The following SULF1 variants were observed in gnomAD, a reference collection of about 807,000 sequenced individuals.
SULF1 encodes sulfatase 1.
In SULF1, 46 loss-of-function variants were observed where a neutral mutation model predicts 110.5. The observed-to-expected ratio is 0.42, with a 90% confidence interval of 0.33 to 0.53. The LOEUF (loss-of-function observed/expected upper bound fraction) is 0.53, where lower values mean the gene tolerates loss of function less well. SULF1 is among the 20% of genes least tolerant of loss of function. The probability of loss-of-function intolerance (pLI) is 0.12; values close to 1 mark genes in which losing one functional copy is unlikely to be tolerated. For synonymous variants in SULF1, 371 were observed against 387.1 expected (o/e 0.96, Z 0.49); for missense variants, 941 against 1,094.2 (o/e 0.86, Z 1.98).
In SULF1 at chr8:69,640,852, T is replaced by C. The variant is rs72658296; in HGVS notation, c.2585+11T>C. On this transcript the variant is annotated intron_variant, in intron 22 of 22. Coordinates refer to ENST00000402687, the MANE Select transcript of SULF1 (RefSeq NM_001128205.2). The stretch of plus-strand genomic sequence containing the variant: ...CTATGACCTACACAGGTATTCACAC[T>C]TTTTTATTCTTCTCAACAGCTTCTT... The C allele has an allele frequency of 0.019, 31,243 of 1,606,736 alleles. 418 individuals carry two copies. Among genetic ancestry groups the C allele is most frequent in the Non-Finnish European group, 0.024 (28,198 of 1,176,694 alleles).
At chr8:69,498,913 C>T (rs1810585456) in intron 2 of SULF1, among the ~76,000 whole-genome samples, 1 of 152,142 alleles carries the variant, frequency 6.6e-6, no homozygotes, top group Admixed American at 6.5e-5. Context: ...GGTTGGAGTG[C>T]AGTGGCACAA....
Position 69,621,070 on chromosome 8 carries a change from T to C in SULF1, c.1413T>C (p.Leu471=). The change falls in exon 14 of 23, where the codon CTT becomes CTC. Residue 471 remains leucine, a synonymous_variant. Coordinates refer to ENST00000402687, the MANE Select transcript of SULF1 (RefSeq NM_001128205.2). ...WQCIEDTSGK[L]RIHKCKGPSD... is the part of the protein sequence containing the mutation. ...GCATTGAGGATACATCTGGCAAGCT[T>C]CGAATTCACAAGTGTAAAGGACCCA... 1.2e-6 allele frequency: 2 copies of C among 1,612,668 alleles called. No homozygotes were observed. Among genetic ancestry groups the C allele is most frequent in the Non-Finnish European group, 1.7e-6 (2 of 1,178,840 alleles).
intron 3 of SULF1, among the ~76,000 whole-genome samples, chr8:69,532,330 T>C (rs964543657): frequency 6.6e-6 from 1 of 152,186 alleles, no homozygotes; most frequent in African/African-American, 2.4e-5. Flanking sequence ...TTAAACTTCA[T>C]TGAACCTCGA....
At position 69,560,007 on chromosome 8, in the gene SULF1, A is replaced by G. The variant is rs148107380; in HGVS notation, c.-133-3532A>G. 3.3e-3 allele frequency among the ~76,000 whole-genome samples: 498 copies of G among 152,324 alleles called. 1 individual carries two copies. The highest frequency in any genetic ancestry group is 0.011 in the African/African-American group (466 of 41,574). On this transcript the variant is annotated intron_variant, in intron 3 of 22. Coordinates refer to ENST00000402687, the MANE Select transcript of SULF1 (RefSeq NM_001128205.2). ...CTTTTATGCCATCTGTAGAAATGTC[A>G]GCGCAGTGAAGAAAGCAAATAATGT...
intron 3 of SULF1, among the ~76,000 whole-genome samples, chr8:69,540,439 G>A (rs1490715336): frequency 6.6e-6 from 1 of 152,182 alleles, no homozygotes; most frequent in African/African-American, 2.4e-5. Flanking sequence ...TTTTATGGAC[G>A]AGAAATTATG....
At chr8:69,528,826 G>C (rs555468762) in intron 3 of SULF1, among the ~76,000 whole-genome samples, 1 of 152,154 alleles carries the variant, frequency 6.6e-6, no homozygotes, top group East Asian at 1.9e-4. Flanking sequence ...GTTGTTTCAG[G>C]TAGTAGTTCC....
chr8:69,570,567 GA>G (rs1175140040), intron 5 of SULF1, among the ~76,000 whole-genome samples: 19 of 152,146 alleles, frequency 1.2e-4, no homozygotes, highest in African/African-American at 3.9e-4. Context: ...CATTCTGTAT[GA>G]AATGATTTTG....
At chr8:69,643,366 G>A (rs778355859) in intron 22 of SULF1, among the ~76,000 whole-genome samples, 2 of 151,940 alleles carry the variant, frequency 1.3e-5, no homozygotes, top group Non-Finnish European at 2.9e-5. Context: ...AGCCACTTAG[G>A]AGGTTTCAGT....
intron 13 of SULF1, among the ~76,000 whole-genome samples, chr8:69,613,103 G>C (rs888946990): frequency 9.2e-5 from 14 of 152,056 alleles, no homozygotes; most frequent in Admixed American, 9.2e-4. Context: ...ACCATTTATT[G>C]AATAGGGTGT....
At chr8:69,640,186 G>GAGA (rs879422089) in intron 21 of SULF1, among the ~76,000 whole-genome samples, 1 of 149,034 alleles carries the variant, frequency 6.7e-6, no homozygotes, top group African/African-American at 2.5e-5. Flanking sequence ...AAAGAGAAAA[G>GAGA]AAAGAAAGAG....
In SULF1 at chr8:69,576,022, C is replaced by CTTTGTG; in HGVS notation, c.225_226insTTTGTG (p.Ala75_Thr76insPheVal). On this transcript the variant is annotated inframe_insertion, in exon 6 of 23. Coordinates refer to ENST00000402687, the MANE Select transcript of SULF1 (RefSeq NM_001128205.2). The stretch of plus-strand genomic sequence containing the variant: ...GAAAGATTATGGAACATGGGGGGGC[C>CTTTGTG]ACCTTCATCAATGCCTTTGTGACTA... 1 of 1,614,116 alleles carries CTTTGTG rather than the reference C, an allele frequency of 6.2e-7. No homozygotes were observed. Among genetic ancestry groups the CTTTGTG allele is most frequent in the Non-Finnish European group, 8.5e-7 (1 of 1,179,992 alleles).
intron 8 of SULF1, among the ~76,000 whole-genome samples, chr8:69,594,867 G>A (rs1013927188): frequency 2.0e-5 from 3 of 152,140 alleles, no homozygotes; most frequent in African/African-American, 7.2e-5. Context: ...ACTCCAGGGG[G>A]CATTCAGATA....
In SULF1 at chr8:69,622,580, G is replaced by A. The variant is rs571718776; in HGVS notation, c.1594+1329G>A. ...AGCCTGGATGACAGAGCAAGACTCC[G>A]TCTCAAAAAAAAAAAAAATTAATAA... On this transcript the variant is annotated intron_variant, in intron 14 of 22. Coordinates refer to ENST00000402687, the MANE Select transcript of SULF1 (RefSeq NM_001128205.2). Among the ~76,000 whole-genome samples the A allele has an allele frequency of 2.7e-3, 411 of 149,744 alleles. 3 individuals are homozygous for A. The highest frequency in any genetic ancestry group is 9.6e-3 in the African/African-American group (386 of 40,224).
chr8:69,631,241 A>T (rs901994998), intron 19 of SULF1, among the ~76,000 whole-genome samples: 1 of 152,182 alleles, frequency 6.6e-6, no homozygotes, highest in African/African-American at 2.4e-5. Context: ...ACACAGGGTT[A>T]TAGTTGCTTA....
intron 2 of SULF1, among the ~76,000 whole-genome samples, chr8:69,499,607 G>T (rs1196239530): frequency 6.6e-6 from 1 of 152,090 alleles, no homozygotes; most frequent in Non-Finnish European, 1.5e-5. Flanking sequence ...TCTCTATTCT[G>T]GGAAACAAAC....
At chr8:69,640,666 T>C (rs1180925850) in intron 21 of SULF1, 142 bp from the exon 22 acceptor site, 1 of 503,566 alleles carries the variant, frequency 2.0e-6, no homozygotes, top group Non-Finnish European at 3.4e-6. Context: ...ATAGGAAATC[T>C]CTGTTGGGCT....
chr8:69,565,911 G>A (rs559511201), intron 5 of SULF1, among the ~76,000 whole-genome samples: 1 of 152,008 alleles, frequency 6.6e-6, no homozygotes, highest in South Asian at 2.1e-4. Flanking sequence ...CCATGCCTTT[G>A]CACATCTCAT....
At chr8:69,630,414 G>A (rs916249703) in intron 19 of SULF1, among the ~76,000 whole-genome samples, 4 of 152,112 alleles carry the variant, frequency 2.6e-5, no homozygotes, top group Non-Finnish European at 5.9e-5. Flanking sequence ...GAGACCACCC[G>A]GGCTACTGTT....
At chr8:69,595,531 T>C (rs1416965590) in intron 8 of SULF1, among the ~76,000 whole-genome samples, 1 of 152,220 alleles carries the variant, frequency 6.6e-6, no homozygotes, top group Admixed American at 6.5e-5. Flanking sequence ...AAGTTCAGTT[T>C]TAGTGAAAAC....
Sources: allele counts gnomAD v4.1 joint callset (sites outside exome capture counted in the v4.1 genomes callset), GRCh38; gene constraint gnomAD v4.1.1; transcripts MANE v1.5; gene names NCBI Gene and HGNC (gene_info 2026-07-23, HGNC 2026-07-21).